Variants in CAGE1 observed in about 807,000 individuals in gnomAD.
The protein encoded by CAGE1 is cancer-associated gene 1 protein.
CAGE1 carries 66 observed loss-of-function variants against 94.9 expected under a neutral mutation model. The ratio of observed to expected loss-of-function variants is 0.70; its 90% CI spans 0.57 to 0.85. The LOEUF (loss-of-function observed/expected upper bound fraction) is 0.85. CAGE1 is among the 40% of genes least tolerant of loss of function. The pLI is 0.00. For missense variants in CAGE1, 865 were observed against 950.4 expected, an observed-to-expected ratio of 0.91 and a Z score of 1.18; for synonymous variants, 319 against 321.0, an observed-to-expected ratio of 0.99 and a Z score of 0.07.
At chr6:7,330,071 G>A (rs1758693683) in intron 12 of CAGE1, among the ~76,000 whole-genome samples, 183 bp from the exon 13 acceptor site, 1 of 152,108 alleles carries the variant, frequency 6.6e-6, no homozygotes, top group African/African-American at 2.4e-5. Context: ...TATAACATGT[G>A]AATCATTCTC....
intron 11 of CAGE1, among the ~76,000 whole-genome samples, chr6:7,354,761 G>A (rs1011735373): frequency 3.3e-5 from 5 of 151,998 alleles, no homozygotes; most frequent in Admixed American, 6.6e-5. Context: ...TGAATACTAC[G>A]ATAATGTCCT....
At chr6:7,355,611 A>G (rs868343086) in intron 10 of CAGE1, among the ~76,000 whole-genome samples, 22 of 152,258 alleles carry the variant, frequency 1.4e-4, no homozygotes, top group African/African-American at 5.1e-4. Context: ...AAAGGGATCA[A>G]TATAAATGTG....
chr6:7,365,013 T>C (rs1054380994), intron 9 of CAGE1, among the ~76,000 whole-genome samples: 3 of 152,206 alleles, frequency 2.0e-5, no homozygotes, highest in African/African-American at 7.2e-5. Flanking sequence ...TATAAGTATC[T>C]AGATTCTAAG....
Position 7,358,786 on chromosome 6 carries a change from C to T in CAGE1, c.2194-2657G>A, listed in dbSNP as rs138204979. On this transcript the variant is annotated intron_variant, in intron 9 of 13. Coordinates refer to ENST00000502583, the MANE Select transcript of CAGE1 (RefSeq NM_001170692.2). ...AGTGAGCCAAGATTGCACCACTACA[C>T]TTCAGCCTGGGTGACACAGCAAGTG... Among the ~76,000 whole-genome samples the T allele has an allele frequency of 1.4e-3, 211 of 152,288 alleles. 1 individual carries two copies. Among genetic ancestry groups the T allele is most frequent in the African/African-American group, 4.8e-3 (199 of 41,560 alleles).
chr6:7,359,842 C>G (rs149501747), intron 9 of CAGE1, among the ~76,000 whole-genome samples: 24 of 152,326 alleles, frequency 1.6e-4, no homozygotes, highest in South Asian at 4.1e-4. Context: ...CTTGTATTCA[C>G]TTTCTGTCGC....
intron 11 of CAGE1, among the ~76,000 whole-genome samples, chr6:7,345,850 GGGA>G (rs1396139083): frequency 1.3e-5 from 2 of 151,996 alleles, no homozygotes; most frequent in South Asian, 2.1e-4. Context: ...GTGTGAACCC[GGGA>G]GGAGAAGCTT....
At chr6:7,369,885 C>T in intron 6 of CAGE1, 34 bp downstream of exon 6, 2 of 1,561,400 alleles carry the variant, frequency 1.3e-6, no homozygotes, top group Middle Eastern at 1.8e-4. Flanking sequence ...TTATTCCTCC[C>T]CTACTAAAAT....
chr6:7,349,468 A>G (rs992571445), intron 11 of CAGE1, among the ~76,000 whole-genome samples: 13 of 152,322 alleles, frequency 8.5e-5, no homozygotes, highest in African/African-American at 3.1e-4. Context: ...TCTAAAGCAT[A>G]AATCACACAG....
At chr6:7,368,437 C>A (rs186419394) in intron 7 of CAGE1, among the ~76,000 whole-genome samples, 1 of 151,716 alleles carries the variant, frequency 6.6e-6, no homozygotes, top group Non-Finnish European at 1.5e-5. Context: ...TCAGTAGTGC[C>A]GTGCAAAAAT....
chr6:7,331,031 T>TAA (rs1211626596), intron 12 of CAGE1, among the ~76,000 whole-genome samples: 1 of 152,234 alleles, frequency 6.6e-6, no homozygotes, highest in Non-Finnish European at 1.5e-5. Context: ...ATCTGTGGTA[T>TAA]GCCAAGGATC....
intron 7 of CAGE1, among the ~76,000 whole-genome samples, chr6:7,367,464 G>A (rs1010451741): frequency 1.3e-5 from 2 of 151,828 alleles, no homozygotes; most frequent in South Asian, 2.1e-4. Flanking sequence ...TTGTAGAGAC[G>A]GAGTTTCCCC....
chr6:7,347,480 C>T (rs1225146504), intron 11 of CAGE1: 3 of 128,848 alleles, frequency 2.3e-5, no homozygotes, highest in African/African-American at 9.1e-5. Context: ...CCTGCCTGGC[C>T]CCACAGGGAT....
Position 7,387,113 on chromosome 6 carries a change from C to G in CAGE1, c.61G>C (p.Asp21His). 6.4e-7 allele frequency: 1 copy of G among 1,551,108 alleles called. No homozygotes were observed. Among genetic ancestry groups the G allele is most frequent in the East Asian group, 2.4e-5 (1 of 40,904 alleles). Residue 21 changes from aspartate to histidine, a missense_variant, in exon 2 of 14, where the codon GAT becomes CAT. Physicochemically the swap from Asp to His is moderately conservative, Grantham distance 81. Transcript: ENST00000502583. Reference protein sequence around the residue: ...SPSDPVHFEVDTSHEKVESMS... With the variant: ...SPSDPVHFEVHTSHEKVESMS... ...CTTTCTACTTTTTCATGAGAAGTAT[C>G]CACTTCAAAATGTACAGGATCTGAA...
chr6:7,389,732 C>G lies in CAGE1; in HGVS notation c.-554G>C, dbSNP rs144890735. 2 of 563,300 alleles carry G rather than the reference C, an allele frequency of 3.6e-6. No homozygotes were observed. The highest frequency in any genetic ancestry group is 6.4e-6 in the Non-Finnish European group (2 of 314,240). The allele number at this position is 563,300 out of a possible 1,614,324, so 34.9% of individuals were successfully genotyped here. ...CCACAGCCCTATACAGCGCGCCATCCAGAGAGCTCCGGACTCCCAGCTCGG... is the reference window on the plus strand; with the variant it reads ...CCACAGCCCTATACAGCGCGCCATCGAGAGAGCTCCGGACTCCCAGCTCGG... On this transcript the variant is annotated 5_prime_UTR_variant, in exon 1 of 14. Coordinates refer to ENST00000502583, the MANE Select transcript of CAGE1 (RefSeq NM_001170692.2).
intron 3 of CAGE1, among the ~76,000 whole-genome samples, chr6:7,382,206 T>C (rs1324735909): frequency 6.6e-6 from 1 of 152,194 alleles, no homozygotes; most frequent in Admixed American, 6.5e-5. Context: ...CAATTATACA[T>C]ATTGCATGTA....
chr6:7,350,306 C>T (rs7752325), intron 11 of CAGE1, among the ~76,000 whole-genome samples: 2,418 of 152,186 alleles, frequency 0.016, 88 homozygotes, highest in African/African-American at 0.055. Context: ...CACAATAATA[C>T]TGGGGGCTGG....
chr6:7,345,448 G>GAA (rs896062840), intron 11 of CAGE1, among the ~76,000 whole-genome samples: 5 of 152,202 alleles, frequency 3.3e-5, no homozygotes, highest in Admixed American at 6.5e-5. Flanking sequence ...CATTCTTGAA[G>GAA]TGAGACCAAG....
chr6:7,335,708 A>G (rs544215316), intron 11 of CAGE1, among the ~76,000 whole-genome samples: 14 of 152,304 alleles, frequency 9.2e-5, no homozygotes, highest in African/African-American at 3.4e-4. Flanking sequence ...CTGAGTAGCT[A>G]GGACTGCAGG....
intron 3 of CAGE1, among the ~76,000 whole-genome samples, chr6:7,385,220 G>C (rs1761077987): frequency 6.6e-6 from 1 of 151,662 alleles, no homozygotes; most frequent in African/African-American, 2.4e-5. Flanking sequence ...GGTCAGGCTG[G>C]TCTTGAACTC....
Sources: gnomAD v4.1 joint callset for allele counts (sites outside exome capture counted in the v4.1 genomes callset) on GRCh38, gnomAD v4.1.1 for gene constraint, MANE v1.5 for transcripts, NCBI Gene and HGNC (gene_info 2026-07-23, HGNC 2026-07-21) for gene names.